Variants in FAT4 observed in about 807,000 individuals in gnomAD.
FAT4 encodes the protein protocadherin Fat 4.
Under a neutral mutation model 303.9 loss-of-function variants are expected in FAT4, and 84 were observed. The ratio of observed to expected loss-of-function variants is 0.28; its 90% confidence interval spans 0.23 to 0.33. The LOEUF is 0.33. FAT4 is among the 10% of genes least tolerant of loss of function. FAT4 has a pLI of 1.00. For missense variants in FAT4, 6,005 were observed against 6,146.8 expected (o/e 0.98, Z 0.77); for synonymous variants, 2,307 against 2,298.8 (o/e 1.00, Z -0.10).
chr4:125,481,973 C>G (rs142789233), intron 16 of FAT4, among the ~76,000 whole-genome samples: 22 of 152,184 alleles, frequency 1.4e-4, no homozygotes, highest in Non-Finnish European at 3.1e-4. Flanking sequence ...AGTAGAGAAC[C>G]CTGCCAGGTA....
chr4:125,450,603 C>G lies in FAT4; in HGVS notation c.9593C>G (p.Ser3198Cys). Residue 3198 changes from serine (S) to cysteine (C), a missense_variant, in exon 10 of 18, where the codon TCT becomes TGT. By Grantham distance (112) the Ser-to-Cys change is moderately radical. Transcript: ENST00000394329. Reference sequence around the variant, plus strand: ...AATGATAATTCTCCAGTATTCCTCTCTGATGACTATTTCCCTACTGTTTTG... The same window carrying G: ...AATGATAATTCTCCAGTATTCCTCTGTGATGACTATTTCCCTACTGTTTTG... Reference protein sequence around the residue: ...DVNDNSPVFLSDDYFPTVLEN... With the variant: ...DVNDNSPVFLCDDYFPTVLEN... 5 of 1,614,148 alleles carry G rather than the reference C, an allele frequency of 3.1e-6. No individual in the cohort carries two copies. The highest frequency in any genetic ancestry group is 3.4e-6 in the Non-Finnish European group (4 of 1,180,014).
chr4:125,397,462 GT>G (rs1439363647), intron 2 of FAT4, among the ~76,000 whole-genome samples: 2 of 152,050 alleles, frequency 1.3e-5, no homozygotes, highest in African/African-American at 2.4e-5. Context: ...AAAGGAAATG[GT>G]GTCGAGAATG....
At chr4:125,355,746 C>T (rs574397578) in intron 2 of FAT4, among the ~76,000 whole-genome samples, 1 of 151,390 alleles carries the variant, frequency 6.6e-6, no homozygotes, top group Non-Finnish European at 1.5e-5. Flanking sequence ...TCAGTGGACT[C>T]AATTGAATTG....
At chr4:125,369,493 C>G (rs1733021257) in intron 2 of FAT4, among the ~76,000 whole-genome samples, 1 of 152,022 alleles carries the variant, frequency 6.6e-6, no homozygotes, top group African/African-American at 2.4e-5. Context: ...AAGAAAAATG[C>G]CTAGCTTTCC....
chr4:125,454,556 A>C (rs1244452274), intron 10 of FAT4, among the ~76,000 whole-genome samples: 3 of 152,198 alleles, frequency 2.0e-5, no homozygotes, highest in Non-Finnish European at 2.9e-5. Flanking sequence ...AGTACAGGCC[A>C]GGTGCAGTGG....
At chr4:125,389,848 T>C (rs1733911501) in intron 2 of FAT4, among the ~76,000 whole-genome samples, 1 of 152,204 alleles carries the variant, frequency 6.6e-6, no homozygotes, top group African/African-American at 2.4e-5. Context: ...CATACCTACA[T>C]AGTCCAAACA....
Position 125,489,908 on chromosome 4 carries a change from T to G in FAT4, c.13092T>G (p.Phe4364Leu). 1.4e-6 allele frequency: 2 copies of G among 1,416,778 alleles called. No individual in the cohort carries two copies. The highest frequency in any genetic ancestry group is 1.9e-6 in the Non-Finnish European group (2 of 1,048,184). The allele number at this position is 1,416,778 out of a possible 1,614,324, so 87.8% of individuals were successfully genotyped here. ...TCCTTCTTCTTCTCCCAGCAGGTTT[T>G]GATGGCTGCATTGCTTCTATGTGGT... is the stretch of plus-strand genomic sequence containing the variant. The part of the protein sequence containing the change: ...QAHRDAQTAG[F>L]DGCIASMWYG... The change falls in exon 18 of 18, where the codon TTT (phenylalanine) becomes TTG (leucine). Residue 4364 changes from phenylalanine to leucine, a missense_variant. Physicochemically the swap from Phe to Leu is conservative, Grantham distance 22. Transcript: ENST00000394329.
At chr4:125,398,243 G>T (rs1012849553) in intron 2 of FAT4, among the ~76,000 whole-genome samples, 5 of 152,094 alleles carry the variant, frequency 3.3e-5, no homozygotes, top group African/African-American at 9.7e-5. Context: ...GTGCTGATAC[G>T]AGTGGAAATA....
chr4:125,421,461 A>G (rs1724886024), intron 7 of FAT4, among the ~76,000 whole-genome samples: 1 of 152,220 alleles, frequency 6.6e-6, no homozygotes, highest in Non-Finnish European at 1.5e-5. Flanking sequence ...TACTTACGCA[A>G]GTAATTTGTC....
At chr4:125,329,368 A>C (rs528521269) in intron 2 of FAT4, among the ~76,000 whole-genome samples, 12 of 152,298 alleles carry the variant, frequency 7.9e-5, no homozygotes, top group African/African-American at 2.6e-4. Flanking sequence ...AGAATATTTG[A>C]CCTAGTGGAT....
At chr4:125,322,302 T>C (rs1730984763) in intron 2 of FAT4, among the ~76,000 whole-genome samples, 1 of 152,152 alleles carries the variant, frequency 6.6e-6, no homozygotes, top group African/African-American at 2.4e-5. Context: ...TGCCATGGGA[T>C]AGATACACTC....
chr4:125,322,995 T>C (rs1731015301), intron 2 of FAT4, among the ~76,000 whole-genome samples: 1 of 152,162 alleles, frequency 6.6e-6, no homozygotes, highest in Admixed American at 6.5e-5. Flanking sequence ...ATGATTTATA[T>C]GTAATTGAAT....
chr4:125,478,750 T>G (rs1727120555), intron 14 of FAT4, among the ~76,000 whole-genome samples: 1 of 152,030 alleles, frequency 6.6e-6, no homozygotes, highest in Admixed American at 6.5e-5. Context: ...AGGCTGGTCT[T>G]GAACTCCTGA....
chr4:125,387,216 G>A (rs28735870), intron 2 of FAT4, among the ~76,000 whole-genome samples: 4,822 of 152,272 alleles, frequency 0.032, 248 homozygotes, highest in African/African-American at 0.1. Context: ...AAATAGAATA[G>A]CATAGCTATG....
rs376434987 is a variant in FAT4 at position 125,481,751 on chromosome 4, C to T, written c.12822+13C>T. On this transcript the variant is annotated intron_variant, in intron 16 of 17. Transcript: ENST00000394329. Reference sequence around the variant, plus strand: ...CACTACTGTGAAGGTGAGATAAAAGCTAATGGTGACTTCATTTGATTAGAC... The same window carrying T: ...CACTACTGTGAAGGTGAGATAAAAGTTAATGGTGACTTCATTTGATTAGAC... The T allele has an allele frequency of 1.2e-6, 2 of 1,608,002 alleles. No individual in the cohort carries two copies. Among genetic ancestry groups the T allele is most frequent in the South Asian group, 2.2e-5 (2 of 90,922 alleles).
At chr4:125,357,231 A>G (rs1447728261) in intron 2 of FAT4, among the ~76,000 whole-genome samples, 2 of 152,158 alleles carry the variant, frequency 1.3e-5, no homozygotes, top group Admixed American at 6.6e-5. Context: ...ATGAGAAATA[A>G]TAGAGTAAAA....
chr4:125,454,428 C>T (rs1726207568), intron 10 of FAT4, among the ~76,000 whole-genome samples: 1 of 152,196 alleles, frequency 6.6e-6, no homozygotes. Context: ...TTAGCTATAG[C>T]TTTTGGGAAG....
At chr4:125,387,179 C>A (rs1388407248) in intron 2 of FAT4, among the ~76,000 whole-genome samples, 1 of 152,162 alleles carries the variant, frequency 6.6e-6, no homozygotes, top group Non-Finnish European at 1.5e-5. Flanking sequence ...GGGTTGGAGA[C>A]CCCTGTTATA....
At chr4:125,346,414 C>A (rs1236103841) in intron 2 of FAT4, among the ~76,000 whole-genome samples, 1 of 150,924 alleles carries the variant, frequency 6.6e-6, no homozygotes. Flanking sequence ...TATGGCTATA[C>A]TTTTTTTTTG....
Sources: gnomAD v4.1 joint callset for allele counts (sites outside exome capture counted in the v4.1 genomes callset) on GRCh38, gnomAD v4.1.1 for gene constraint, MANE v1.5 for transcripts, NCBI Gene and HGNC (gene_info 2026-07-23, HGNC 2026-07-21) for gene names.